ROBO1: variants seen among roughly 807,000 people sequenced by gnomAD.
The protein encoded by ROBO1 is roundabout guidance receptor 1, also known as roundabout homolog 1.
ROBO1 carries 149 observed loss-of-function variants against 195.9 expected under a neutral mutation model. That is an observed-to-expected ratio of 0.76 (90% CI 0.67 to 0.87). The LOEUF (loss-of-function observed/expected upper bound fraction) is 0.87, where lower values mean the gene tolerates loss of function less well. Ranked by LOEUF, ROBO1 falls within the 40% of genes least tolerant of loss-of-function variation. ROBO1 has a pLI of 0.00. For missense variants in ROBO1, 1,933 were observed against 2,068.3 expected (o/e 0.93, Z 1.27); for synonymous variants, 816 against 733.2 (o/e 1.11, Z -1.82).
chr3:78,888,668 G>A (rs374848912), intron 4 of ROBO1, among the ~76,000 whole-genome samples: 5 of 152,136 alleles, frequency 3.3e-5, no homozygotes, highest in Admixed American at 2.6e-4. Flanking sequence ...AAACCCTCTG[G>A]GTTGCTTTTT....
chr3:78,670,066 C>T (rs751532850), intron 11 of ROBO1, 30 bp downstream of exon 11: 3 of 1,537,496 alleles, frequency 2.0e-6, no homozygotes, highest in Non-Finnish European at 1.8e-6. Context: ...TGAAACAAAA[C>T]AAGAAACGCA....
rs981228263 is a variant in ROBO1 at position 79,021,256 on chromosome 3, CAT to C, written c.173-82331_173-82330del. On this transcript the variant is annotated intron_variant, in intron 3 of 30. Coordinates refer to ENST00000464233, the MANE Select transcript of ROBO1 (RefSeq NM_002941.4). ...TTGCTAAAGGATATTTAGTGAAAAA[CAT>C]AGAATATATCTCTTTTTTCTTGGAA... Among the ~76,000 whole-genome samples, 4 of 152,236 alleles carry C rather than the reference CAT, an allele frequency of 2.6e-5. No homozygotes were observed. The South Asian group carries it at 6.2e-4, about 24-fold the overall frequency.
intron 3 of ROBO1, among the ~76,000 whole-genome samples, chr3:78,988,444 T>C (rs1332525879): frequency 1.3e-5 from 2 of 152,136 alleles, no homozygotes; most frequent in East Asian, 3.9e-4. Flanking sequence ...CTCAAATCTC[T>C]ATTATTTTTG....
rs545265798 is a variant in ROBO1 at position 79,478,872 on chromosome 3, A to G, written c.88+110952T>C. Among the ~76,000 whole-genome samples the G allele has an allele frequency of 7.2e-5, 11 of 152,314 alleles. No individual in the cohort carries two copies. In the East Asian group the frequency reaches 2.1e-3, roughly 29 times the overall value. Reference sequence around the variant, plus strand: ...AGATTTTTTAACTGCTAGGTATGCAATGGAGCAATTCCTGACTTGGCAACT... The same window carrying G: ...AGATTTTTTAACTGCTAGGTATGCAGTGGAGCAATTCCTGACTTGGCAACT... On this transcript the variant is annotated intron_variant, in intron 2 of 30. Transcript: ENST00000464233.
intron 2 of ROBO1, among the ~76,000 whole-genome samples, chr3:79,358,524 C>T (rs1404859584): frequency 6.6e-6 from 1 of 152,012 alleles, no homozygotes; most frequent in Non-Finnish European, 1.5e-5. Flanking sequence ...ATTTGTTGAT[C>T]TCCCAGATAA....
At chr3:78,975,122 T>C (rs773783659) in intron 3 of ROBO1, among the ~76,000 whole-genome samples, 5 of 152,130 alleles carry the variant, frequency 3.3e-5, no homozygotes, top group Non-Finnish European at 7.4e-5. Flanking sequence ...TACTGAGCCC[T>C]ACAGAGAAAA....
At chr3:79,196,810 T>C (rs1037454714) in intron 2 of ROBO1, among the ~76,000 whole-genome samples, 3 of 151,720 alleles carry the variant, frequency 2.0e-5, no homozygotes, top group African/African-American at 7.2e-5. Context: ...CTTTTTAGAA[T>C]ACAAAATATT....
chr3:78,854,583 T>C (rs1170047634), intron 4 of ROBO1, among the ~76,000 whole-genome samples: 4 of 151,910 alleles, frequency 2.6e-5, no homozygotes, highest in Admixed American at 6.6e-5. Context: ...ACTTCTTCTT[T>C]ATTCATGTCT....
chr3:79,621,005 C>A (rs1169490744), intron 1 of ROBO1, among the ~76,000 whole-genome samples: 2 of 152,042 alleles, frequency 1.3e-5, no homozygotes, highest in Non-Finnish European at 2.9e-5. Context: ...AACCCATATA[C>A]TCTCCTATCC....
At chr3:79,683,713 T>C (rs1222370337) in intron 1 of ROBO1, among the ~76,000 whole-genome samples, 1 of 152,124 alleles carries the variant, frequency 6.6e-6, no homozygotes, top group Non-Finnish European at 1.5e-5. Flanking sequence ...TCTGGCTTTA[T>C]ATATTGTCCT....
At chr3:79,447,223 T>C (rs750441402) in intron 2 of ROBO1, among the ~76,000 whole-genome samples, 5 of 152,032 alleles carry the variant, frequency 3.3e-5, no homozygotes, top group Non-Finnish European at 7.4e-5. Context: ...AGAGATAAGA[T>C]ACAAGCAATA....
intron 1 of ROBO1, among the ~76,000 whole-genome samples, chr3:79,716,535 T>A (rs1702493516): frequency 6.6e-6 from 1 of 151,990 alleles, no homozygotes; most frequent in Non-Finnish European, 1.5e-5. Context: ...AATACTATGA[T>A]AATTTTTCAA....
At chr3:78,618,392 A>C (rs192355277) in intron 26 of ROBO1, among the ~76,000 whole-genome samples, 4 of 152,322 alleles carry the variant, frequency 2.6e-5, no homozygotes, top group Admixed American at 1.3e-4. Context: ...AAGCATTTCA[A>C]ATATTATCCA....
chr3:79,645,557 A>G (rs553577095), intron 1 of ROBO1, among the ~76,000 whole-genome samples: 1 of 152,180 alleles, frequency 6.6e-6, no homozygotes, highest in South Asian at 2.1e-4. Flanking sequence ...ACCCAAAGCA[A>G]TTTGCAGATC....
chr3:79,457,554 C>A lies in ROBO1; in HGVS notation c.88+132270G>T, dbSNP rs749112382. ...GTAATATGGTTTGACTGTGTCCCCACCCAAATCTCATCTTGAGCTCCCATA... is the reference window on the plus strand; with the variant it reads ...GTAATATGGTTTGACTGTGTCCCCAACCAAATCTCATCTTGAGCTCCCATA... On this transcript the variant is annotated intron_variant, in intron 2 of 30. Transcript: ENST00000464233. 1.5e-3 allele frequency among the ~76,000 whole-genome samples: 222 copies of A among 152,148 alleles called. 2 individuals carry two copies. The highest frequency in any genetic ancestry group is 2.2e-3 in the Non-Finnish European group (147 of 68,002).
At chr3:78,961,792 A>T (rs1238300034) in intron 3 of ROBO1, among the ~76,000 whole-genome samples, 1 of 151,672 alleles carries the variant, frequency 6.6e-6, no homozygotes, top group Non-Finnish European at 1.5e-5. Flanking sequence ...TAGACCCATA[A>T]TTTTTTTTTA....
intron 2 of ROBO1, among the ~76,000 whole-genome samples, chr3:79,273,702 A>T (rs2030774505): frequency 6.6e-6 from 1 of 151,990 alleles, no homozygotes; most frequent in Non-Finnish European, 1.5e-5. Flanking sequence ...TAAATTCTCC[A>T]ATCAAAAGAC....
intron 4 of ROBO1, among the ~76,000 whole-genome samples, chr3:78,884,089 A>G (rs1021182534): frequency 6.6e-6 from 1 of 152,158 alleles, no homozygotes; most frequent in Non-Finnish European, 1.5e-5. Flanking sequence ...TTTCCTGTGT[A>G]TTGCTGACAC....
At chr3:78,638,469 T>G (rs1304188687) in intron 22 of ROBO1, among the ~76,000 whole-genome samples, 1 of 152,026 alleles carries the variant, frequency 6.6e-6, no homozygotes, top group Non-Finnish European at 1.5e-5. Flanking sequence ...ATTTTTGCTA[T>G]TAAAGAATTT....
Sources: gnomAD v4.1 joint callset for allele counts (sites outside exome capture counted in the v4.1 genomes callset) on GRCh38, gnomAD v4.1.1 for gene constraint, MANE v1.5 for transcripts, NCBI Gene and HGNC (gene_info 2026-07-23, HGNC 2026-07-21) for gene names.